APP: variants seen among roughly 807,000 people sequenced by gnomAD.
APP encodes the protein amyloid-beta precursor protein.
In APP, 31 loss-of-function variants were observed where a neutral mutation model predicts 101.4. The ratio of observed to expected loss-of-function variants is 0.31; its 90% CI spans 0.23 to 0.41. APP has a LOEUF of 0.41. Among genes scored for constraint, APP ranks in the 10% least tolerant of loss-of-function variants. The probability of loss-of-function intolerance (pLI) is 1.00; values close to 1 mark genes in which losing one functional copy is unlikely to be tolerated. For missense variants in APP, 839 were observed against 1,003.7 expected (o/e 0.84, Z 2.22); for synonymous variants, 366 against 364.4 (o/e 1.00, Z -0.05).
chr21:26,041,118 G>T (rs957841216), intron 5 of APP, among the ~76,000 whole-genome samples: 1 of 152,112 alleles, frequency 6.6e-6, no homozygotes, highest in African/African-American at 2.4e-5. Context: ...AACAAACATG[G>T]ACTTATAATT....
intron 3 of APP, among the ~76,000 whole-genome samples, chr21:26,069,116 G>A (rs2046574306): frequency 6.6e-6 from 1 of 152,102 alleles, no homozygotes; most frequent in African/African-American, 2.4e-5. Flanking sequence ...ATTCTATTTG[G>A]TTGTAGAACC....
chr21:25,988,442 C>T (rs1436368682), intron 8 of APP, among the ~76,000 whole-genome samples: 1 of 152,148 alleles, frequency 6.6e-6, no homozygotes, highest in Admixed American at 6.5e-5. Flanking sequence ...TGGCTCACGC[C>T]TGTAATCCCA....
intron 2 of APP, among the ~76,000 whole-genome samples, chr21:26,097,065 G>C (rs1443707448): frequency 6.6e-6 from 1 of 152,120 alleles, no homozygotes; most frequent in East Asian, 1.9e-4. Context: ...CTAAACATAA[G>C]CTCCTTTAGT....
At chr21:25,917,402 A>G (rs2039406188) in intron 13 of APP, among the ~76,000 whole-genome samples, 1 of 152,204 alleles carries the variant, frequency 6.6e-6, no homozygotes, top group Non-Finnish European at 1.5e-5. Flanking sequence ...TCATCTTCAA[A>G]CAGCTAAATA....
At chr21:26,039,219 T>C (rs2045263773) in intron 5 of APP, among the ~76,000 whole-genome samples, 1 of 152,176 alleles carries the variant, frequency 6.6e-6, no homozygotes, top group Non-Finnish European at 1.5e-5. Flanking sequence ...CATTTTAGTA[T>C]CCAACTACAT....
rs116480640 is a variant in APP, at chr21:25,885,076, T to C, written c.2212-3305A>G. ...CAGCTACATTTTGCCATTCCTGCCA[T>C]GGGGCAGCTTGGCCCTCAGACCTTA... On this transcript the variant is annotated intron_variant, in intron 17 of 17. Coordinates refer to ENST00000346798, the MANE Select transcript of APP (RefSeq NM_000484.4). 3.5e-3 allele frequency among the ~76,000 whole-genome samples: 535 copies of C among 152,366 alleles called. 3 individuals are homozygous for C. Among genetic ancestry groups the C allele is most frequent in the African/African-American group, 0.012 (515 of 41,594 alleles).
chr21:25,917,461 C>A (rs1035169498), intron 13 of APP, among the ~76,000 whole-genome samples: 1 of 152,030 alleles, frequency 6.6e-6, no homozygotes, highest in Non-Finnish European at 1.5e-5. Flanking sequence ...AGAAAAATAG[C>A]CTTATAAATA....
intron 6 of APP, among the ~76,000 whole-genome samples, chr21:26,020,165 GA>G (rs2044275610): frequency 6.6e-6 from 1 of 152,138 alleles, no homozygotes; most frequent in African/African-American, 2.4e-5. Flanking sequence ...TGTGTTAAGT[GA>G]AAGAAGTCGG....
At chr21:25,894,919 T>C (rs945927829) in intron 16 of APP, among the ~76,000 whole-genome samples, 2 of 152,186 alleles carry the variant, frequency 1.3e-5, no homozygotes, top group Non-Finnish European at 2.9e-5. Flanking sequence ...AACTTCATTA[T>C]TGTCTTATTT....
chr21:25,947,296 C>T (rs1380443447), intron 13 of APP, among the ~76,000 whole-genome samples: 1 of 118,746 alleles, frequency 8.4e-6, no homozygotes, highest in African/African-American at 3.3e-5. Flanking sequence ...ATACAAAGCA[C>T]TCTACTAACC....
chr21:25,952,224 ACATT>A (rs1601006638), intron 13 of APP, among the ~76,000 whole-genome samples: 2 of 151,472 alleles, frequency 1.3e-5, no homozygotes, highest in South Asian at 2.1e-4. Context: ...ACACACACAC[ACATT>A]AAGAGCACAT....
intron 8 of APP, among the ~76,000 whole-genome samples, chr21:25,995,162 C>T (rs1478373830): frequency 1.3e-5 from 2 of 152,202 alleles, no homozygotes; most frequent in East Asian, 3.9e-4. Flanking sequence ...ATTTATCAGA[C>T]AATGATGCTT....
chr21:26,040,015 T>G lies in APP; in HGVS notation c.662+10985A>C, dbSNP rs537679236. The stretch of plus-strand genomic sequence containing the variant: ...CAGATTTTTTTCAAATTTTGGGATA[T>G]TTCCATACATATAAGATATGTTGGA... On this transcript the variant is annotated intron_variant, in intron 5 of 17. Transcript: ENST00000346798. 2.6e-5 allele frequency among the ~76,000 whole-genome samples: 4 copies of G among 152,282 alleles called. No individual in the cohort carries two copies. In the East Asian group the frequency reaches 7.7e-4, roughly 29 times the overall value.
chr21:25,895,497 A>C (rs182801841), intron 16 of APP, among the ~76,000 whole-genome samples: 154 of 152,206 alleles, frequency 1.0e-3, no homozygotes, highest in African/African-American at 3.4e-3. Flanking sequence ...GAAGCCAAAA[A>C]ATTTGTGTGA....
intron 13 of APP, among the ~76,000 whole-genome samples, chr21:25,925,595 A>G (rs573783784): frequency 6.6e-6 from 1 of 152,260 alleles, no homozygotes; most frequent in African/African-American, 2.4e-5. Context: ...GAGCTGTACC[A>G]AGACACCACC....
At chr21:25,929,774 C>G (rs1229522003) in intron 13 of APP, among the ~76,000 whole-genome samples, 1 of 152,188 alleles carries the variant, frequency 6.6e-6, no homozygotes, top group Non-Finnish European at 1.5e-5. Flanking sequence ...TTTTCATGCT[C>G]TTGCACGCAT....
At chr21:26,148,727 G>A (rs949968916) in intron 1 of APP, among the ~76,000 whole-genome samples, 10 of 152,114 alleles carry the variant, frequency 6.6e-5, no homozygotes, top group African/African-American at 2.4e-4. Flanking sequence ...GTTACAAAGA[G>A]GCTCAAAAAT....
At chr21:26,105,888 T>C (rs114349586) in intron 2 of APP, among the ~76,000 whole-genome samples, 2,932 of 152,286 alleles carry the variant, frequency 0.019, 95 homozygotes, top group African/African-American at 0.067. Context: ...CTGGGGTCAT[T>C]CTTCTATTTT....
intron 2 of APP, among the ~76,000 whole-genome samples, chr21:26,090,839 C>T (rs1045661652): frequency 6.6e-6 from 1 of 152,152 alleles, no homozygotes; most frequent in Non-Finnish European, 1.5e-5. Flanking sequence ...ATGAAAATAA[C>T]TTATCGAAAA....
Sources: allele counts gnomAD v4.1 joint callset (sites outside exome capture counted in the v4.1 genomes callset), GRCh38; gene constraint gnomAD v4.1.1; transcripts MANE v1.5; gene names NCBI Gene and HGNC (gene_info 2026-07-23, HGNC 2026-07-21).